Variants in AEN observed in about 807,000 individuals in gnomAD.
AEN encodes apoptosis-enhancing nuclease.
Under a neutral mutation model 17.7 loss-of-function variants are expected in AEN, and 21 were observed. The ratio of observed to expected loss-of-function variants is 1.19; its 90% confidence interval spans 0.84 to 1.71. The LOEUF is 1.71. AEN is among the 40% of genes most tolerant of loss of function. The probability of loss-of-function intolerance (pLI) is 0.00; values close to 1 mark genes in which losing one functional copy is unlikely to be tolerated. For missense variants in AEN, 462 were observed against 435.9 expected (o/e 1.06, Z -0.53); for synonymous variants, 190 against 173.0 (o/e 1.10, Z -0.77).
In AEN at chr15:88,631,448, C is replaced by G; in HGVS notation, c.*1154C>G. The G allele has an allele frequency of 8.9e-6, 2 of 225,560 alleles. No individual in the cohort carries two copies. The highest frequency in any genetic ancestry group is 1.1e-4 in the South Asian group (2 of 17,414). 14.0% of individuals were successfully genotyped at this position (225,560 alleles called of 1,614,324 possible). ...AACCAAGAGCTCAGGTCACACAGAC[C>G]TTGGAGCCCCATCTTTGCTTGCAGC... On this transcript the variant is annotated 3_prime_UTR_variant, in exon 4 of 4. Transcript: ENST00000332810.
chr15:88,619,199 A>G (rs1302972527), upstream of AEN, among the ~76,000 whole-genome samples: 1 of 152,188 alleles, frequency 6.6e-6, no homozygotes, highest in Admixed American at 6.5e-5. Context: ...GAATTGCCCT[A>G]TTGTTTCTCC....
chr15:88,606,468 G>T, the AEN span, among the ~76,000 whole-genome samples: 5 of 152,154 alleles, frequency 3.3e-5, no homozygotes, highest in African/African-American at 1.2e-4. Context: ...TTATTGTTTG[G>T]CCAAGAAGGG....
Position 88,629,232 on chromosome 15 carries a change from A to T in AEN, c.547A>T (p.Lys183Ter). Residue 183 changes from lysine (K) to a stop codon, truncating the protein, a stop_gained, in exon 3 of 4, where the codon AAG becomes TAG. Transcript: ENST00000332810. LOFTEE classifies it high-confidence loss of function. The part of the protein sequence containing the change: ...PFQVAQKEIL[K>*]LLKGKVVVGH... ...CTCCTCTTTCTGCTCACAGATCCTTAAGCTCCTGAAGGGCAAGGTGGTGGT... is the reference window on the plus strand; with the variant it reads ...CTCCTCTTTCTGCTCACAGATCCTTTAGCTCCTGAAGGGCAAGGTGGTGGT... The T allele has an allele frequency of 6.2e-7, 1 of 1,613,940 alleles. No individual in the cohort carries two copies. Among genetic ancestry groups the T allele is most frequent in the African/African-American group, 1.3e-5 (1 of 74,984 alleles).
Position 88,626,156 on chromosome 15 carries a change from C to A in AEN, c.-54C>A. 2.0e-6 allele frequency: 3 copies of A among 1,514,342 alleles called. No individual in the cohort carries two copies. The South Asian group carries it at 3.9e-5, about 20-fold the overall frequency. The allele number at this position is 1,514,342 out of a possible 1,614,324, so 93.8% of individuals were successfully genotyped here. A position where few individuals can be genotyped will look rare whatever the true frequency, so the allele number is the denominator to read the frequency against. ...GTGTTCTCTCTTCAGGCTGCTGCCC[C>A]ATTGGAAGATTACTCCCCAGGCTTC... On this transcript the variant is annotated 5_prime_UTR_variant, in exon 2 of 4. Coordinates refer to ENST00000332810, the MANE Select transcript of AEN (RefSeq NM_022767.4).
Position 88,631,022 on chromosome 15 carries a change from G to A in AEN, c.*728G>A, listed in dbSNP as rs2057921323. The stretch of plus-strand genomic sequence containing the variant: ...TTGGCAACAGAAAGCCCCAGGCACA[G>A]CTCAGGGAGGAGGGAAGGCAGGTAA... On this transcript the variant is annotated 3_prime_UTR_variant, in exon 4 of 4. Transcript: ENST00000332810. 2.3e-6 allele frequency: 1 copy of A among 441,630 alleles called. No individual in the cohort carries two copies. Among genetic ancestry groups the A allele is most frequent in the Admixed American group, 2.4e-5 (1 of 42,228 alleles). 27.4% of individuals were successfully genotyped at this position (441,630 alleles called of 1,614,324 possible). A position where few individuals can be genotyped will look rare whatever the true frequency, so the allele number is the denominator to read the frequency against.
intron 1 of AEN, among the ~76,000 whole-genome samples, chr15:88,622,241 G>A (rs1036639367): frequency 6.6e-6 from 1 of 152,192 alleles, no homozygotes; most frequent in Non-Finnish European, 1.5e-5. Flanking sequence ...CCCCCAGAGC[G>A]CTGGGTCCAG....
intron 1 of AEN, among the ~76,000 whole-genome samples, chr15:88,622,834 G>C: frequency 6.6e-6 from 1 of 152,210 alleles, no homozygotes; most frequent in East Asian, 1.9e-4. Flanking sequence ...CTTAAAACAG[G>C]TACTGAGTAT....
At chr15:88,615,099 C>T in the AEN span, among the ~76,000 whole-genome samples, 1 of 152,050 alleles carries the variant, frequency 6.6e-6, no homozygotes, top group Admixed American at 6.5e-5. Context: ...CTGCTGACCT[C>T]GTGATCCGCC....
upstream of AEN, among the ~76,000 whole-genome samples, chr15:88,617,989 G>C (rs1200870424): frequency 6.6e-6 from 1 of 152,140 alleles, no homozygotes; most frequent in Non-Finnish European, 1.5e-5. Context: ...AGCAATCTCT[G>C]ATCTACTGCC....
At chr15:88,627,459 C>CTTTTTTTT (rs11371024) in intron 2 of AEN, 1 of 141,126 alleles carries the variant, frequency 7.1e-6, no homozygotes, top group Non-Finnish European at 1.5e-5. Context: ...CATCTTGTTT[C>CTTTTTTTT]TTTTTTTTTT....
At chr15:88,624,845 T>C (rs1294718453) in intron 1 of AEN, among the ~76,000 whole-genome samples, 4 of 150,008 alleles carry the variant, frequency 2.7e-5, no homozygotes, top group Admixed American at 2.0e-4. Flanking sequence ...ATCACGGCAC[T>C]GCACTCTAGC....
upstream of AEN, among the ~76,000 whole-genome samples, chr15:88,620,547 T>C (rs2057774382): frequency 1.4e-5 from 2 of 146,796 alleles, no homozygotes; most frequent in African/African-American, 5.4e-5. Flanking sequence ...CCCGAGTAGC[T>C]GGGATTACAG....
At chr15:88,622,833 G>C (rs1431126922) in intron 1 of AEN, among the ~76,000 whole-genome samples, 1 of 152,182 alleles carries the variant, frequency 6.6e-6, no homozygotes, top group Admixed American at 6.5e-5. Context: ...TCTTAAAACA[G>C]GTACTGAGTA....
At chr15:88,619,706 AAC>A (rs1198471995), upstream of AEN, among the ~76,000 whole-genome samples, 1 of 151,788 alleles carries the variant, frequency 6.6e-6, no homozygotes, top group Non-Finnish European at 1.5e-5. Context: ...AAACAAACAA[AAC>A]AAAAAAAACT....
upstream of AEN, among the ~76,000 whole-genome samples, chr15:88,619,141 T>C (rs570679219): frequency 3.9e-5 from 6 of 152,360 alleles, no homozygotes; most frequent in East Asian, 1.9e-4. Flanking sequence ...ACCTGACTTG[T>C]AGAAGGATTT....
Position 88,629,291 on chromosome 15 carries a change from C to G in AEN, c.606C>G (p.Leu202=), listed in dbSNP as rs1399356680. 2.5e-6 allele frequency: 4 copies of G among 1,614,006 alleles called. No homozygotes were observed. In the Admixed American group the frequency reaches 6.7e-5, roughly 27 times the overall value. The part of the protein sequence containing the change: ...GHALHNDFQA[L]KYVHPRSQTR... ...CGCTGCACAACGACTTCCAGGCGCT[C>G]AAGTATGTCCACCCTCGGAGCCAGA... Residue 202 remains leucine, a synonymous_variant, in exon 3 of 4, where the codon CTC becomes CTG. Coordinates refer to ENST00000332810, the MANE Select transcript of AEN (RefSeq NM_022767.4).
At chr15:88,613,136 A>G in the AEN span, among the ~76,000 whole-genome samples, 1 of 152,184 alleles carries the variant, frequency 6.6e-6, no homozygotes, top group Non-Finnish European at 1.5e-5. Context: ...GAATGCTAAA[A>G]ATGCAACCAT....
upstream of AEN, among the ~76,000 whole-genome samples, chr15:88,618,030 C>T (rs2057752920): frequency 6.6e-6 from 1 of 152,104 alleles, no homozygotes; most frequent in Non-Finnish European, 1.5e-5. Context: ...ATCCCACTTA[C>T]CTACACCAGG....
chr15:88,630,897 T>C lies in AEN; in HGVS notation c.*603T>C. The C allele has an allele frequency of 3.3e-6, 1 of 301,550 alleles. No individual in the cohort carries two copies. Among genetic ancestry groups the C allele is most frequent in the South Asian group, 2.8e-5 (1 of 35,952 alleles). 18.7% of individuals were successfully genotyped at this position (301,550 alleles called of 1,614,324 possible). On this transcript the variant is annotated 3_prime_UTR_variant, in exon 4 of 4. Transcript: ENST00000332810. This position sits in a 1 kb window ranked among gnomAD's most constrained non-coding sequence, Gnocchi z 5.1. Reference sequence around the variant, plus strand: ...TGACCTGGAACTCTGGCTACAGCCATTGTAGGAACTCCGTGCCTGGCCTGT... The same window carrying C: ...TGACCTGGAACTCTGGCTACAGCCACTGTAGGAACTCCGTGCCTGGCCTGT...
Sources: allele counts gnomAD v4.1 joint callset (sites outside exome capture counted in the v4.1 genomes callset), GRCh38; gene constraint gnomAD v4.1.1; non-coding constraint Gnocchi (gnomAD v3.1); transcripts MANE v1.5; gene names NCBI Gene and HGNC (gene_info 2026-07-23, HGNC 2026-07-21).